The following METTL9 variants were observed in gnomAD, a reference collection of about 807,000 sequenced individuals.
METTL9 encodes methyltransferase 9, His-X-His N1(pi)-histidine.
In METTL9, 10 loss-of-function variants were observed where a neutral mutation model predicts 36.0. The ratio of observed to expected loss-of-function variants is 0.28; its 90% CI spans 0.17 to 0.47. The LOEUF is 0.47. Ranked by LOEUF, METTL9 falls within the 20% of genes least tolerant of loss-of-function variation. The pLI is 0.99. For missense variants in METTL9, 246 were observed against 383.5 expected (o/e 0.64, Z 3.00); for synonymous variants, 175 against 149.7 (o/e 1.17, Z -1.23).
At chr16:21,599,540 G>C (rs568289525), upstream of METTL9, 5 of 1,276,234 alleles carry the variant, frequency 3.9e-6, no homozygotes, top group South Asian at 9.6e-5. The surrounding 1 kb of genome is among the most constrained non-coding windows in gnomAD (Gnocchi z 4.4). Context: ...CGGCCGGAAG[G>C]GAAGGGGGAG....
At chr16:21,641,525 A>G (rs747031982) in intron 4 of METTL9, 1 of 1,556,046 alleles carries the variant, frequency 6.4e-7, no homozygotes, top group South Asian at 1.1e-5. Flanking sequence ...ATTGAAAATT[A>G]AAACGTTTCT....
At chr16:21,650,238 G>A (rs551007867) in intron 4 of METTL9, among the ~76,000 whole-genome samples, 1 of 152,312 alleles carries the variant, frequency 6.6e-6, no homozygotes, top group South Asian at 2.1e-4. Flanking sequence ...TGGGCATGGT[G>A]GCTCACGCCT....
At chr16:21,597,939 A>G (rs1470415670), upstream of METTL9, 1 of 152,324 alleles carries the variant, frequency 6.6e-6, no homozygotes, top group Non-Finnish European at 1.5e-5. Flanking sequence ...GAGAGAACAC[A>G]AAATACCGAA....
intron 2 of METTL9, 79 bp from the exon 3 acceptor site, chr16:21,617,786 C>G (rs1038323398): frequency 2.4e-6 from 3 of 1,239,140 alleles, no homozygotes; most frequent in Non-Finnish European, 3.6e-6. Flanking sequence ...TGCTGAGTCA[C>G]TATATTCACT....
At chr16:21,651,139 C>T (rs1465153470) in intron 4 of METTL9, among the ~76,000 whole-genome samples, 1 of 152,108 alleles carries the variant, frequency 6.6e-6, no homozygotes, top group Non-Finnish European at 1.5e-5. Context: ...AGGAGAATGG[C>T]GTGAACCCGG....
rs1028869764 is a variant in METTL9 at position 21,643,014 on chromosome 16, A to G, written c.752-12213A>G. ...GTTCTTGACAGCTCCTTGGCAGCTT[A>G]GTTTTTTCAAACGTGCTTTATATCT... On this transcript the variant is annotated intron_variant, in intron 4 of 4. Transcript: ENST00000358154. 33 of 1,110,442 alleles carry G rather than the reference A, an allele frequency of 3.0e-5. No homozygotes were observed. In the African/African-American group the frequency reaches 3.6e-4, roughly 12 times the overall value. The allele number at this position is 1,110,442 out of a possible 1,614,324, so 68.8% of individuals were successfully genotyped here. A position where few individuals can be genotyped will look rare whatever the true frequency, so the allele number is the denominator to read the frequency against.
intron 1 of METTL9, among the ~76,000 whole-genome samples, chr16:21,608,937 A>G (rs947808592): frequency 4.6e-5 from 7 of 152,212 alleles, no homozygotes; most frequent in Non-Finnish European, 1.0e-4. Context: ...AGAAACGCTT[A>G]TAAAACAACA....
Position 21,655,542 on chromosome 16 carries a change from A to T in METTL9, c.*110A>T. ...GAGGACCCTTGGGGACCGCCATTCT[A>T]AATATCATGTAGGAATTTAAAAAGC... On this transcript the variant is annotated 3_prime_UTR_variant, in exon 5 of 5. Coordinates refer to ENST00000358154, the MANE Select transcript of METTL9 (RefSeq NM_016025.5). 1.1e-6 allele frequency: 1 copy of T among 889,678 alleles called. No homozygotes were observed. The highest frequency in any genetic ancestry group is 1.7e-6 in the Non-Finnish European group (1 of 579,460). The allele number at this position is 889,678 out of a possible 1,614,324, so 55.1% of individuals were successfully genotyped here.
rs1965042100 is a variant in METTL9, at chr16:21,599,577, C to T, written c.-157C>T. On this transcript the variant is annotated 5_prime_UTR_variant, in exon 1 of 5. Coordinates refer to ENST00000358154, the MANE Select transcript of METTL9 (RefSeq NM_016025.5). The surrounding 1 kb of genome is among the most constrained non-coding windows in gnomAD (Gnocchi z 4.4). ...TGCCGAGGCTGCGCGCCGGCTGCTC[C>T]TCCCCACCCCCAGCCTTTGCCCTGA... The T allele has an allele frequency of 2.3e-6, 3 of 1,289,152 alleles. No individual in the cohort carries two copies. The highest frequency in any genetic ancestry group is 2.9e-6 in the Non-Finnish European group (3 of 1,021,842). The allele number at this position is 1,289,152 out of a possible 1,614,324, so 79.9% of individuals were successfully genotyped here. A position where few individuals can be genotyped will look rare whatever the true frequency, so the allele number is the denominator to read the frequency against.
intron 4 of METTL9, among the ~76,000 whole-genome samples, chr16:21,627,952 C>CA (rs1490279308): frequency 1.3e-5 from 2 of 151,954 alleles, no homozygotes; most frequent in African/African-American, 4.8e-5. Context: ...GACTCCATCT[C>CA]AAAAAACAAA....
At chr16:21,601,649 T>C (rs978692929) in intron 1 of METTL9, among the ~76,000 whole-genome samples, 4 of 152,146 alleles carry the variant, frequency 2.6e-5, no homozygotes, top group Non-Finnish European at 5.9e-5. Flanking sequence ...ACTGTACCTT[T>C]TAAAAGCTGA....
intron 3 of METTL9, among the ~76,000 whole-genome samples, chr16:21,622,026 A>G (rs1965710320): frequency 6.7e-6 from 1 of 150,212 alleles, no homozygotes; most frequent in African/African-American, 2.5e-5. Flanking sequence ...GTATTTTAGT[A>G]GAGATGGGGT....
chr16:21,646,268 T>C (rs1400914509), intron 4 of METTL9: 2 of 152,182 alleles, frequency 1.3e-5, no homozygotes, highest in African/African-American at 4.8e-5. Context: ...TGAGGAATTG[T>C]CATGGGTTTT....
chr16:21,654,031 G>GTTTTTTT (rs1567351159), intron 4 of METTL9: 9 of 121,684 alleles, frequency 7.4e-5, no homozygotes, highest in African/African-American at 2.8e-4. Context: ...TTCTCAGTCT[G>GTTTTTTT]TTTTGTTTTT....
At chr16:21,598,740 A>G (rs559075589), upstream of METTL9, among the ~76,000 whole-genome samples, 1 of 152,300 alleles carries the variant, frequency 6.6e-6, no homozygotes, top group African/African-American at 2.4e-5. Context: ...CCCAGAGCTG[A>G]GTTCACTCTT....
intron 1 of METTL9, among the ~76,000 whole-genome samples, chr16:21,602,511 C>T (rs1348690701): frequency 6.6e-6 from 1 of 151,880 alleles, no homozygotes; most frequent in Non-Finnish European, 1.5e-5. Flanking sequence ...GGCTGGGAGG[C>T]CAGACTGGTC....
chr16:21,644,142 T>G, intron 4 of METTL9: 1 of 600,282 alleles, frequency 1.7e-6, no homozygotes, highest in Non-Finnish European at 3.0e-6. Flanking sequence ...AGACCTCTTC[T>G]GCAGGTGGTG....
intron 1 of METTL9, 47 bp from the exon 2 acceptor site, chr16:21,612,598 T>TCGGTTGTG: frequency 6.9e-7 from 1 of 1,443,446 alleles, no homozygotes; most frequent in Non-Finnish European, 9.1e-7. Context: ...AGGTGACACT[T>TCGGTTGTG]CGGTTGTGTG....
At chr16:21,617,157 T>C (rs1049259633) in intron 2 of METTL9, among the ~76,000 whole-genome samples, 3 of 152,160 alleles carry the variant, frequency 2.0e-5, no homozygotes, top group African/African-American at 7.2e-5. Context: ...CGGTGGCTCA[T>C]GCCTGTAATC....
Sources: allele counts gnomAD v4.1 joint callset (sites outside exome capture counted in the v4.1 genomes callset), GRCh38; gene constraint gnomAD v4.1.1; non-coding constraint Gnocchi (gnomAD v3.1); transcripts MANE v1.5; gene names NCBI Gene and HGNC (gene_info 2026-07-23, HGNC 2026-07-21).